Variants in SMAD1 observed in about 807,000 individuals in gnomAD.
SMAD1 encodes SMAD family member 1.
In SMAD1, 6 loss-of-function variants were observed where a neutral mutation model predicts 41.6. That is an observed-to-expected ratio of 0.14 (90% CI 0.08 to 0.28). The LOEUF (loss-of-function observed/expected upper bound fraction) is 0.28. SMAD1 is among the 10% of genes least tolerant of loss of function. The pLI, the probability that SMAD1 is intolerant of heterozygous loss-of-function variation, is 1.00. For synonymous variants in SMAD1, 206 were observed against 203.2 expected, an observed-to-expected ratio of 1.01 and a Z score of -0.12; for missense variants, 379 against 582.6, an observed-to-expected ratio of 0.65 and a Z score of 3.60.
intron 1 of SMAD1, chr4:145,484,651 A>G (rs1036512987): frequency 5.9e-5 from 9 of 152,218 alleles, no homozygotes; most frequent in African/African-American, 1.9e-4. Flanking sequence ...ATAAATGCAG[A>G]GATATTCAAT....
chr4:145,497,212 A>AT (rs1729129692), intron 1 of SMAD1: 1 of 152,162 alleles, frequency 6.6e-6, no homozygotes, highest in Non-Finnish European at 1.5e-5. Context: ...TATCTGTCCC[A>AT]TTTTTCATAC....
intron 2 of SMAD1, among the ~76,000 whole-genome samples, chr4:145,522,506 G>A (rs916517157): frequency 2.0e-5 from 3 of 151,948 alleles, no homozygotes; most frequent in Non-Finnish European, 4.4e-5. Context: ...GGCTGAGGCA[G>A]GAGAATCGCT....
chr4:145,512,859 G>A (rs1730160949), intron 1 of SMAD1, among the ~76,000 whole-genome samples: 1 of 152,088 alleles, frequency 6.6e-6, no homozygotes, highest in African/African-American at 2.4e-5. Flanking sequence ...TTTTTCTTCT[G>A]GCAAGCTGTT....
intron 1 of SMAD1, among the ~76,000 whole-genome samples, chr4:145,507,850 C>T (rs1207607750): frequency 6.6e-6 from 1 of 152,056 alleles, no homozygotes; most frequent in East Asian, 1.9e-4. Context: ...TTGCCAAGGC[C>T]ATAGTATCAT....
intron 1 of SMAD1, among the ~76,000 whole-genome samples, chr4:145,491,906 C>T (rs574867332): frequency 4.6e-5 from 7 of 152,190 alleles, no homozygotes; most frequent in South Asian, 4.2e-4. Flanking sequence ...TGATGTGAGA[C>T]GCAGTGATGG....
At chr4:145,498,149 A>G (rs148637412) in intron 1 of SMAD1, 4 of 152,376 alleles carry the variant, frequency 2.6e-5, no homozygotes, top group African/African-American at 9.6e-5. Flanking sequence ...TAAGAAATTC[A>G]TGCATTGAAA....
intron 2 of SMAD1, among the ~76,000 whole-genome samples, chr4:145,536,360 A>G (rs936378403): frequency 3.3e-5 from 5 of 152,204 alleles, no homozygotes; most frequent in African/African-American, 4.8e-5. Flanking sequence ...GAGTGGTGGA[A>G]AGGGAAGGTA....
rs538775885 is a variant in SMAD1 at position 145,514,543 on chromosome 4, TCTG to T, written c.-67_-65del. 3.0e-4 allele frequency: 410 copies of T among 1,369,524 alleles called. No homozygotes were observed. In the African/African-American group the frequency reaches 5.3e-3, roughly 18 times the overall value. 84.8% of individuals were successfully genotyped at this position (1,369,524 alleles called of 1,614,324 possible). A position where few individuals can be genotyped will look rare whatever the true frequency, so the allele number is the denominator to read the frequency against. ...CTTCTCTGTAAATAAACAAATCTCT[TCTG>T]CTGTCCTTTTGCATTTGGAGACAGC... On this transcript the variant is annotated 5_prime_UTR_variant, in exon 2 of 7. Coordinates refer to ENST00000302085, the MANE Select transcript of SMAD1 (RefSeq NM_005900.3). This position sits in a 1 kb window ranked among gnomAD's most constrained non-coding sequence, Gnocchi z 4.7.
At chr4:145,496,363 T>C (rs1271311609) in intron 1 of SMAD1, among the ~76,000 whole-genome samples, 1 of 152,186 alleles carries the variant, frequency 6.6e-6, no homozygotes, top group African/African-American at 2.4e-5. Flanking sequence ...ATCTATAAAA[T>C]AGTTCTTGTT....
chr4:145,535,576 A>G (rs955900799), intron 2 of SMAD1, among the ~76,000 whole-genome samples: 1 of 152,194 alleles, frequency 6.6e-6, no homozygotes, highest in Non-Finnish European at 1.5e-5. Flanking sequence ...ATAGTAGGCT[A>G]TCTTTCTTTT....
At chr4:145,524,685 T>A (rs1730933208) in intron 2 of SMAD1, among the ~76,000 whole-genome samples, 1 of 152,146 alleles carries the variant, frequency 6.6e-6, no homozygotes, top group Non-Finnish European at 1.5e-5. Flanking sequence ...GAAGATATTT[T>A]CAGATCTTTC....
intron 2 of SMAD1, chr4:145,525,696 T>C (rs1730984506): frequency 6.6e-6 from 1 of 152,338 alleles, no homozygotes; most frequent in Non-Finnish European, 1.5e-5. Flanking sequence ...ACTTGCTGCT[T>C]ACCCACTCCA....
intron 1 of SMAD1, among the ~76,000 whole-genome samples, chr4:145,492,581 G>GT (rs757017029): frequency 1.3e-5 from 2 of 152,146 alleles, no homozygotes; most frequent in African/African-American, 4.8e-5. Context: ...TGTCCTCTTG[G>GT]TTTTTTATAG....
At chr4:145,534,312 A>G (rs1380009598) in intron 2 of SMAD1, among the ~76,000 whole-genome samples, 2 of 152,236 alleles carry the variant, frequency 1.3e-5, no homozygotes, top group Non-Finnish European at 2.9e-5. Flanking sequence ...AGACCTTCCT[A>G]CATCTTCAGA....
intron 2 of SMAD1, chr4:145,517,139 A>G (rs889901584): frequency 2.0e-5 from 3 of 151,612 alleles, no homozygotes. Flanking sequence ...ACTTTTCCCT[A>G]CTCTTGAGAA....
chr4:145,520,844 A>T (rs986640305), intron 2 of SMAD1, among the ~76,000 whole-genome samples: 2 of 152,228 alleles, frequency 1.3e-5, no homozygotes, highest in East Asian at 1.9e-4. Flanking sequence ...TTATTTTCTT[A>T]TAAATAAAAC....
intron 4 of SMAD1, 105 bp from the exon 5 acceptor site, chr4:145,546,598 C>T (rs1342784941): frequency 2.5e-6 from 2 of 798,584 alleles, no homozygotes; most frequent in Non-Finnish European, 4.4e-6. Context: ...AATTGCTTTT[C>T]CAGTGTCTTC....
intron 1 of SMAD1, among the ~76,000 whole-genome samples, chr4:145,490,023 A>G (rs1390585401): frequency 1.3e-5 from 2 of 152,182 alleles, no homozygotes; most frequent in African/African-American, 4.8e-5. Flanking sequence ...TGTACAGTTC[A>G]GGGTGAAGGA....
chr4:145,541,858 A>G (rs1040133587), intron 3 of SMAD1, among the ~76,000 whole-genome samples: 1 of 152,220 alleles, frequency 6.6e-6, no homozygotes, highest in Non-Finnish European at 1.5e-5. Context: ...TGAGAAACCT[A>G]TACCCTTTGT....
Sources: allele counts gnomAD v4.1 joint callset (sites outside exome capture counted in the v4.1 genomes callset), GRCh38; gene constraint gnomAD v4.1.1; non-coding constraint Gnocchi (gnomAD v3.1); transcripts MANE v1.5; gene names NCBI Gene and HGNC (gene_info 2026-07-23, HGNC 2026-07-21).